POMT1: variants seen among roughly 807,000 people sequenced by gnomAD.
POMT1 encodes the protein protein O-mannosyl-transferase 1.
A neutral mutation model predicts 101.6 loss-of-function variants in POMT1; 85 were observed. The ratio of observed to expected loss-of-function variants is 0.84; its 90% CI spans 0.70 to 1.00. POMT1 has a LOEUF of 1.00. POMT1 is among the 50% of genes least tolerant of loss of function. The pLI is 0.00. For synonymous variants in POMT1, 371 were observed against 383.0 expected (o/e 0.97, Z 0.37); for missense variants, 857 against 930.4 (o/e 0.92, Z 1.03).
intron 5 of POMT1, 44 bp downstream of exon 5, chr9:131,507,558 G>C (rs1341270627): frequency 6.2e-7 from 1 of 1,612,234 alleles, no homozygotes; most frequent in Admixed American, 1.7e-5. Context: ...ATGCAGGGAA[G>C]AACTGACCCT....
intron 8 of POMT1, 29 bp downstream of exon 8, chr9:131,510,025 G>A (rs757331579): frequency 1.2e-6 from 2 of 1,614,196 alleles, no homozygotes; most frequent in East Asian, 4.5e-5. Flanking sequence ...TGCTGCATGA[G>A]GCCGGCCTGT....
chr9:131,514,470 T>G (rs1947850865), intron 12 of POMT1, among the ~76,000 whole-genome samples: 1 of 152,262 alleles, frequency 6.6e-6, no homozygotes, highest in Non-Finnish European at 1.5e-5. Context: ...AAGTGCCTCC[T>G]GGGTGCTGTC....
chr9:131,520,145 G>A lies in POMT1; in HGVS notation c.1650G>A (p.Trp550Ter). 1 of 1,613,786 alleles carries A rather than the reference G, an allele frequency of 6.2e-7. No homozygotes were observed. The highest frequency in any genetic ancestry group is 8.5e-7 in the Non-Finnish European group (1 of 1,180,014). The change falls in exon 17 of 20, where the codon TGG becomes TGA. Residue 550 changes from tryptophan (W) to a stop codon, truncating the protein, a stop_gained. Transcript: ENST00000402686. LOFTEE classifies it high-confidence loss of function. ...EHKYSSSPLE[W>*]VTLDTNIAYW... ...AGTACAGCTCCAGCCCACTGGAGTG[G>A]GTCACCCTGGACACCAATATTGCCT...
In POMT1 at chr9:131,510,300, T is replaced by C. The variant is rs748946045; in HGVS notation, c.740T>C (p.Leu247Ser). The change falls in exon 9 of 20, where the codon TTG (leucine) becomes TCG (serine). Residue 247 changes from leucine (L) to serine (S), a missense_variant. Leu to Ser is a moderately radical substitution (Grantham distance 145, BLOSUM62 -2). Coordinates refer to ENST00000402686, the MANE Select transcript of POMT1 (RefSeq NM_001077365.2). ...CACTTGCTCGCCCGAGCAGTGGCTT[T>C]GCTGGTCATCCCGGTCGTCCTGTAC... Reference protein sequence around the residue: ...FCHLLARAVALLVIPVVLYLL... With the variant: ...FCHLLARAVASLVIPVVLYLL... The C allele has an allele frequency of 6.2e-7, 1 of 1,614,254 alleles. No homozygotes were observed. The highest frequency in any genetic ancestry group is 1.1e-5 in the South Asian group (1 of 91,088).
At chr9:131,508,880 A>G (rs747355126) in intron 5 of POMT1, 31 bp from the exon 6 acceptor site, 1 of 1,509,848 alleles carries the variant, frequency 6.6e-7, no homozygotes, top group South Asian at 1.1e-5. Context: ...TTGCTACCTT[A>G]AAATTGACAT....
intron 13 of POMT1, among the ~76,000 whole-genome samples, chr9:131,517,131 C>A (rs527993262): frequency 2.0e-5 from 3 of 152,242 alleles, no homozygotes; most frequent in African/African-American, 7.2e-5. Context: ...CCACTGGCTT[C>A]AGCGCTTTCT....
intron 9 of POMT1, 105 bp downstream of exon 9, chr9:131,510,520 A>C (rs1946886516): frequency 7.2e-7 from 1 of 1,398,120 alleles, no homozygotes; most frequent in Non-Finnish European, 9.9e-7. Context: ...GAATCAAAAC[A>C]TGAAGAATCC....
At chr9:131,506,702 G>GT in intron 4 of POMT1, 1 of 531,066 alleles carries the variant, frequency 1.9e-6, no homozygotes, top group Non-Finnish European at 3.4e-6. Context: ...GTTGGTACAC[G>GT]TATCACAGAG....
At chr9:131,516,643 C>T (rs1286491019) in intron 13 of POMT1, 2 of 152,634 alleles carry the variant, frequency 1.3e-5, no homozygotes, top group African/African-American at 4.8e-5. Flanking sequence ...AACTGGGGAA[C>T]CTGGTGGTTT....
chr9:131,522,344 C>A lies in POMT1; in HGVS notation c.2003+120C>A. On this transcript the variant is annotated intron_variant, in intron 19 of 19. Coordinates refer to ENST00000402686, the MANE Select transcript of POMT1 (RefSeq NM_001077365.2). This position sits in a 1 kb window ranked among gnomAD's most constrained non-coding sequence, Gnocchi z 5.5. ...CCATTTCACGTTACACTGACATCCT[C>A]CGGGTCCCTCCGGGGAATGGGTGAG... 1 of 1,516,858 alleles carries A rather than the reference C, an allele frequency of 6.6e-7. No individual in the cohort carries two copies. The allele number at this position is 1,516,858 out of a possible 1,614,324, so 94.0% of individuals were successfully genotyped here. A position where few individuals can be genotyped will look rare whatever the true frequency, so the allele number is the denominator to read the frequency against.
At chr9:131,512,749 T>A (rs1433280699) in intron 11 of POMT1, among the ~76,000 whole-genome samples, 1 of 152,058 alleles carries the variant, frequency 6.6e-6, no homozygotes, top group African/African-American at 2.4e-5. Flanking sequence ...GTAGATAAGA[T>A]TACAGGCGCC....
chr9:131,510,026 G>A, intron 8 of POMT1, 30 bp downstream of exon 8: 1 of 1,614,204 alleles, frequency 6.2e-7, no homozygotes, highest in Non-Finnish European at 8.5e-7. Context: ...GCTGCATGAG[G>A]CCGGCCTGTA....
At chr9:131,509,643 C>A in intron 6 of POMT1, 100 bp from the exon 7 acceptor site, 8 of 1,607,296 alleles carry the variant, frequency 5.0e-6, no homozygotes, top group Non-Finnish European at 6.8e-6. Flanking sequence ...GCATGGCCAG[C>A]CGACCCAGAA....
At chr9:131,517,294 G>C (rs939199685) in intron 13 of POMT1, among the ~76,000 whole-genome samples, 15 of 151,280 alleles carry the variant, frequency 9.9e-5, no homozygotes, top group Admixed American at 3.3e-4. Flanking sequence ...GCAGTGGCGT[G>C]ATCTTGGCTT....
rs1950126476 is a variant in POMT1 at position 131,522,396 on chromosome 9, A to T, written c.2003+172A>T. 2 of 1,330,872 alleles carry T rather than the reference A, an allele frequency of 1.5e-6. No individual in the cohort carries two copies. The highest frequency in any genetic ancestry group is 2.0e-6 in the Non-Finnish European group (2 of 990,760). The allele number at this position is 1,330,872 out of a possible 1,614,324, so 82.4% of individuals were successfully genotyped here. A position where few individuals can be genotyped will look rare whatever the true frequency, so the allele number is the denominator to read the frequency against. ...TTCAGAAGAGATGCCCAGATGAGGC[A>T]CTGCAGGAACCCAGAGGGAGAAGTC... is the stretch of plus-strand genomic sequence containing the variant. On this transcript the variant is annotated intron_variant, in intron 19 of 19. Transcript: ENST00000402686. The surrounding 1 kb of genome is among the most constrained non-coding windows in gnomAD (Gnocchi z 5.5).
chr9:131,519,035 T>C lies in POMT1; in HGVS notation c.1486+78T>C. 1 of 1,599,160 alleles carries C rather than the reference T, an allele frequency of 6.3e-7. No individual in the cohort carries two copies. Among genetic ancestry groups the C allele is most frequent in the Non-Finnish European group, 8.5e-7 (1 of 1,176,110 alleles). ...AATATTTGATAACACCCCAGAGTTC[T>C]CATTTTGGTGGGAAGGGAACTGAGC... On this transcript the variant is annotated intron_variant, in intron 15 of 19. Transcript: ENST00000402686. This position sits in a 1 kb window ranked among gnomAD's most constrained non-coding sequence, Gnocchi z 4.3.
At chr9:131,518,661 C>CT (rs1171142641) in intron 14 of POMT1, 124 bp downstream of exon 14, 21 of 1,397,234 alleles carry the variant, frequency 1.5e-5, no homozygotes, top group Non-Finnish European at 2.1e-5. Flanking sequence ...ATGGCTTCCT[C>CT]TTACACTGAG....
In POMT1 at chr9:131,519,330, G is replaced by A. The variant is rs1949427453; in HGVS notation, c.1487-59G>A. 11 of 1,502,394 alleles carry A rather than the reference G, an allele frequency of 7.3e-6. No homozygotes were observed. Among genetic ancestry groups the A allele is most frequent in the Non-Finnish European group, 1.0e-5 (11 of 1,104,860 alleles). The allele number at this position is 1,502,394 out of a possible 1,614,324, so 93.1% of individuals were successfully genotyped here. On this transcript the variant is annotated intron_variant, in intron 15 of 19. Coordinates refer to ENST00000402686, the MANE Select transcript of POMT1 (RefSeq NM_001077365.2). This position sits in a 1 kb window ranked among gnomAD's most constrained non-coding sequence, Gnocchi z 4.3. ...GCTTTTTGCTGCACTGACAGCTTCT[G>A]CTCTGAGCTCTTGACCTTGTGCTAC...
Position 131,518,599 on chromosome 9 carries a change from C to T in POMT1, c.1365+62C>T. On this transcript the variant is annotated intron_variant, in intron 14 of 19. Coordinates refer to ENST00000402686, the MANE Select transcript of POMT1 (RefSeq NM_001077365.2). ...TGTGGGCTCCAGTCTGTTTCCCAAGCCCCTCAGGCTTCACCGCCTCTCTGC... is the reference window on the plus strand; with the variant it reads ...TGTGGGCTCCAGTCTGTTTCCCAAGTCCCTCAGGCTTCACCGCCTCTCTGC... The T allele has an allele frequency of 2.0e-6, 3 of 1,507,352 alleles. No individual in the cohort carries two copies. The South Asian group carries it at 3.4e-5, about 17-fold the overall frequency. The allele number at this position is 1,507,352 out of a possible 1,614,324, so 93.4% of individuals were successfully genotyped here. A position where few individuals can be genotyped will look rare whatever the true frequency, so the allele number is the denominator to read the frequency against.
Sources: allele counts gnomAD v4.1 joint callset (sites outside exome capture counted in the v4.1 genomes callset), GRCh38; gene constraint gnomAD v4.1.1; non-coding constraint Gnocchi (gnomAD v3.1); transcripts MANE v1.5; gene names NCBI Gene and HGNC (gene_info 2026-07-23, HGNC 2026-07-21).